Variants in DAB1 observed in about 807,000 individuals in gnomAD.
DAB1 encodes DAB adaptor protein 1.
A neutral mutation model predicts 64.6 loss-of-function variants in DAB1; 15 were observed. The ratio of observed to expected loss-of-function variants is 0.23; its 90% CI spans 0.16 to 0.36. The LOEUF (loss-of-function observed/expected upper bound fraction) is 0.36, where lower values mean the gene tolerates loss of function less well. DAB1 is among the 10% of genes least tolerant of loss of function. DAB1 has a pLI of 1.00. For missense variants in DAB1, 596 were observed against 706.7 expected (o/e 0.84, Z 1.78); for synonymous variants, 235 against 251.9 (o/e 0.93, Z 0.64).
chr1:57,437,072 G>C (rs909356449), intron 7 of DAB1, among the ~76,000 whole-genome samples: 3 of 151,506 alleles, frequency 2.0e-5, no homozygotes, highest in Admixed American at 6.6e-5. Flanking sequence ...TGGCACAGGA[G>C]TTAATGAAAA....
chr1:58,189,637 A>G (rs1270343433), intron 4 of DAB1, among the ~76,000 whole-genome samples: 1 of 152,192 alleles, frequency 6.6e-6, no homozygotes, highest in Admixed American at 6.5e-5. Context: ...AAGCAGGCAA[A>G]CTGACAGCAC....
At chr1:57,175,656 A>G (rs985231427) in intron 2 of DAB1, among the ~76,000 whole-genome samples, 11 of 152,358 alleles carry the variant, frequency 7.2e-5, no homozygotes, top group African/African-American at 2.4e-4. Flanking sequence ...ATAGGGCTAT[A>G]AAATAGCATA....
chr1:57,090,623 C>G (rs1653565974), intron 4 of DAB1, among the ~76,000 whole-genome samples: 1 of 152,166 alleles, frequency 6.6e-6, no homozygotes, highest in Admixed American at 6.5e-5. Flanking sequence ...GGCCCAAGTT[C>G]AAACCTCTAG....
intron 7 of DAB1, among the ~76,000 whole-genome samples, chr1:57,452,161 C>CT (rs1208127269): frequency 3.6e-4 from 36 of 99,476 alleles, no homozygotes; most frequent in Admixed American, 2.2e-3. Flanking sequence ...CTCTCTGCAC[C>CT]CCCCCTTTTT....
At chr1:57,123,053 T>A (rs1656806860) in intron 4 of DAB1, among the ~76,000 whole-genome samples, 1 of 152,114 alleles carries the variant, frequency 6.6e-6, no homozygotes, top group Non-Finnish European at 1.5e-5. Flanking sequence ...TAAATATATT[T>A]TATTTTCATT....
intron 5 of DAB1, among the ~76,000 whole-genome samples, chr1:57,947,353 C>T (rs1467668159): frequency 6.6e-6 from 1 of 152,176 alleles, no homozygotes; most frequent in African/African-American, 2.4e-5. Flanking sequence ...GTTCTCCTGA[C>T]CACCACCCAG....
At chr1:57,821,789 A>G (rs1384703375), downstream of DAB1, among the ~76,000 whole-genome samples, 1 of 152,112 alleles carries the variant, frequency 6.6e-6, no homozygotes, top group Non-Finnish European at 1.5e-5. Context: ...AATCAAAATC[A>G]TCGTCACCTT....
chr1:58,343,796 G>A (rs1013726175), intron 3 of DAB1, among the ~76,000 whole-genome samples: 7 of 152,198 alleles, frequency 4.6e-5, no homozygotes, highest in African/African-American at 1.7e-4. Context: ...AGTATAATAA[G>A]ATAATGATAT....
intron 6 of DAB1, among the ~76,000 whole-genome samples, chr1:57,744,899 C>T (rs1648190803): frequency 6.6e-6 from 1 of 152,174 alleles, no homozygotes; most frequent in Non-Finnish European, 1.5e-5. Flanking sequence ...TTTTCTTTCT[C>T]AGTTTCAAGG....
At chr1:58,379,386 G>T (rs1310982906) in intron 3 of DAB1, among the ~76,000 whole-genome samples, 8 of 152,086 alleles carry the variant, frequency 5.3e-5, no homozygotes, top group African/African-American at 1.7e-4. Flanking sequence ...AATTTATTTG[G>T]CACAAGCACT....
At chr1:57,777,141 C>CTTT (rs71051255) in intron 6 of DAB1, among the ~76,000 whole-genome samples, 10 of 90,404 alleles carry the variant, frequency 1.1e-4, no homozygotes, top group African/African-American at 3.6e-4. Flanking sequence ...TTCTGAATTT[C>CTTT]TTTTTTTTTT....
At chr1:58,182,545 T>C (rs1215810026) in intron 4 of DAB1, among the ~76,000 whole-genome samples, 1 of 152,004 alleles carries the variant, frequency 6.6e-6, no homozygotes, top group Non-Finnish European at 1.5e-5. Flanking sequence ...TGCTAAATCT[T>C]TCTCCTGACA....
chr1:57,665,964 G>C (rs1447431612), intron 6 of DAB1, among the ~76,000 whole-genome samples: 1 of 151,424 alleles, frequency 6.6e-6, no homozygotes, highest in African/African-American at 2.4e-5. Flanking sequence ...CTCCCTTTAT[G>C]AAATAAAAAT....
At chr1:57,778,884 C>T (rs1649938858) in intron 6 of DAB1, among the ~76,000 whole-genome samples, 1 of 151,602 alleles carries the variant, frequency 6.6e-6, no homozygotes, top group South Asian at 2.1e-4. Flanking sequence ...TCTCTTCCTG[C>T]TTCCCTCCCT....
chr1:57,232,273 G>C (rs1257375753), intron 2 of DAB1, among the ~76,000 whole-genome samples: 2 of 143,514 alleles, frequency 1.4e-5, no homozygotes, highest in African/African-American at 5.3e-5. Flanking sequence ...ACTTCTCAAA[G>C]GCAGTGGCCA....
At chr1:58,521,638 T>C (rs570524408) in intron 2 of DAB1, among the ~76,000 whole-genome samples, 4 of 152,094 alleles carry the variant, frequency 2.6e-5, no homozygotes, top group Admixed American at 1.3e-4. Context: ...AATAAGAGTA[T>C]ATTAAAACAA....
intron 4 of DAB1, among the ~76,000 whole-genome samples, chr1:58,164,411 CT>C (rs1200149605): frequency 6.6e-6 from 1 of 152,168 alleles, no homozygotes; most frequent in East Asian, 1.9e-4. Flanking sequence ...ATCAAAATAG[CT>C]GATGGTATTT....
intron 1 of DAB1, among the ~76,000 whole-genome samples, chr1:57,292,270 A>G (rs1481906649): frequency 6.6e-6 from 1 of 152,176 alleles, no homozygotes; most frequent in Non-Finnish European, 1.5e-5. Flanking sequence ...GTCTAATATA[A>G]AAGCCACATA....
intron 6 of DAB1, among the ~76,000 whole-genome samples, chr1:57,695,287 AGG>A (rs1491502659): frequency 1.6e-5 from 2 of 124,636 alleles, no homozygotes; most frequent in African/African-American, 6.7e-5. Context: ...GAAGGAAGAA[AGG>A]GAGAGAGAAG....
Sources: allele counts gnomAD v4.1 joint callset (sites outside exome capture counted in the v4.1 genomes callset), GRCh38; gene constraint gnomAD v4.1.1; transcripts MANE v1.5; gene names NCBI Gene and HGNC (gene_info 2026-07-23, HGNC 2026-07-21).